Variants in GRM5 observed in about 807,000 individuals in gnomAD.
The protein encoded by GRM5 is metabotropic glutamate receptor 5.
GRM5 carries 19 observed loss-of-function variants against 83.1 expected under a neutral mutation model. That is an observed-to-expected ratio of 0.23 (90% confidence interval 0.16 to 0.34). The LOEUF (loss-of-function observed/expected upper bound fraction) is 0.34, where lower values mean the gene tolerates loss of function less well. Ranked by LOEUF, GRM5 falls within the 10% of genes least tolerant of loss-of-function variation. The pLI, the probability that GRM5 is intolerant of heterozygous loss-of-function variation, is 1.00. For missense variants in GRM5, 1,160 were observed against 1,588.3 expected, an observed-to-expected ratio of 0.73 and a Z score of 4.58; for synonymous variants, 675 against 633.6, an observed-to-expected ratio of 1.07 and a Z score of -0.98.
At chr11:89,004,721 A>G (rs1940477389) in intron 2 of GRM5, among the ~76,000 whole-genome samples, 2 of 152,224 alleles carry the variant, frequency 1.3e-5, no homozygotes, top group Admixed American at 1.3e-4. Flanking sequence ...TTATCTTACT[A>G]AAAATTATTT....
chr11:88,605,190 CA>C (rs1203665538), intron 4 of GRM5, among the ~76,000 whole-genome samples: 1 of 151,920 alleles, frequency 6.6e-6, no homozygotes, highest in African/African-American at 2.4e-5. Context: ...TCTGAATCAC[CA>C]ACAGTAGCAA....
intron 3 of GRM5, among the ~76,000 whole-genome samples, chr11:88,810,509 A>G (rs1371894182): frequency 2.6e-5 from 4 of 152,050 alleles, no homozygotes; most frequent in African/African-American, 4.8e-5. Flanking sequence ...GCCCAGCAAG[A>G]CAGGGATTAA....
chr11:88,622,889 C>G (rs1050903768), intron 4 of GRM5, among the ~76,000 whole-genome samples: 2 of 151,940 alleles, frequency 1.3e-5, no homozygotes, highest in African/African-American at 2.4e-5. Context: ...TGTGTAATCC[C>G]GGGCAAGTTA....
chr11:88,675,102 G>A (rs1342974975), intron 3 of GRM5, among the ~76,000 whole-genome samples: 1 of 151,712 alleles, frequency 6.6e-6, no homozygotes, highest in Non-Finnish European at 1.5e-5. Context: ...CTATATTCTG[G>A]CTGTTTTTCT....
intron 3 of GRM5, among the ~76,000 whole-genome samples, chr11:88,822,238 G>A (rs909776168): frequency 6.6e-5 from 10 of 152,070 alleles, no homozygotes; most frequent in African/African-American, 1.4e-4. Flanking sequence ...ACAGGATGAC[G>A]CATACTTTGA....
chr11:88,784,745 G>A (rs1276102404), intron 3 of GRM5, among the ~76,000 whole-genome samples: 1 of 151,970 alleles, frequency 6.6e-6, no homozygotes, highest in Non-Finnish European at 1.5e-5. Flanking sequence ...CATAAATGCA[G>A]GATTTCATTT....
At chr11:88,812,900 A>T (rs1020080801) in intron 3 of GRM5, among the ~76,000 whole-genome samples, 2 of 152,044 alleles carry the variant, frequency 1.3e-5, no homozygotes, top group Non-Finnish European at 2.9e-5. Context: ...AAAATTACTT[A>T]AAAAAAGGCC....
chr11:88,732,263 C>T (rs1319911737), intron 3 of GRM5, among the ~76,000 whole-genome samples: 1 of 152,076 alleles, frequency 6.6e-6, no homozygotes, highest in Non-Finnish European at 1.5e-5. Flanking sequence ...AATCCAGTGG[C>T]TAGCCCATGG....
At chr11:88,710,536 C>T (rs1271276952) in intron 3 of GRM5, among the ~76,000 whole-genome samples, 2 of 152,094 alleles carry the variant, frequency 1.3e-5, no homozygotes, top group Non-Finnish European at 2.9e-5. Context: ...TCCACTCCCA[C>T]AGAATATGTG....
At chr11:88,957,825 G>T (rs659719) in intron 2 of GRM5, among the ~76,000 whole-genome samples, 133,423 of 152,022 alleles carry the variant, frequency 0.88, 61,126 homozygotes, top group Non-Finnish European at 1. Flanking sequence ...ATTTTAAAAT[G>T]TAAATAGAGT....
intron 3 of GRM5, among the ~76,000 whole-genome samples, chr11:88,837,993 G>A (rs1944122963): frequency 7.0e-6 from 1 of 142,088 alleles, no homozygotes; most frequent in Non-Finnish European, 1.5e-5. Context: ...GCTGAGGCAG[G>A]AGAATGTCGT....
intron 9 of GRM5, among the ~76,000 whole-genome samples, chr11:88,520,968 A>G (rs1029279958): frequency 2.0e-5 from 3 of 152,124 alleles, no homozygotes; most frequent in Non-Finnish European, 2.9e-5. Context: ...TTTTTGTTCA[A>G]AAATAACCCC....
chr11:88,626,120 T>A (rs10831178), intron 4 of GRM5, among the ~76,000 whole-genome samples: 1 of 151,532 alleles, frequency 6.6e-6, no homozygotes, highest in Admixed American at 6.6e-5. Context: ...GCCTTTACAA[T>A]TTACACCAAA....
In GRM5 at chr11:88,759,642, C is replaced by T. The variant is rs1018483461; in HGVS notation, c.911+90264G>A. 2.0e-5 allele frequency among the ~76,000 whole-genome samples: 3 copies of T among 152,218 alleles called. No homozygotes were observed. In the East Asian group the frequency reaches 5.8e-4, roughly 29 times the overall value. On this transcript the variant is annotated intron_variant, in intron 3 of 9. Coordinates refer to ENST00000305447, the MANE Select transcript of GRM5 (RefSeq NM_001143831.3). ...CAATAATAGTGGGAGATTTCAGCAC[C>T]TCACTGACAGTATTAGACAGCTCAC...
intron 4 of GRM5, among the ~76,000 whole-genome samples, chr11:88,623,898 A>G (rs776217214): frequency 1.3e-5 from 2 of 152,186 alleles, no homozygotes; most frequent in Non-Finnish European, 2.9e-5. Flanking sequence ...AATACTATTT[A>G]CTTCATTTAT....
intron 9 of GRM5, among the ~76,000 whole-genome samples, chr11:88,517,049 A>G (rs1161611994): frequency 1.3e-5 from 2 of 151,832 alleles, no homozygotes; most frequent in Non-Finnish European, 2.9e-5. Context: ...TGTGTACCCA[A>G]TTAATTGGTT....
At chr11:88,947,161 T>A (rs1938307685) in intron 2 of GRM5, among the ~76,000 whole-genome samples, 2 of 152,158 alleles carry the variant, frequency 1.3e-5, no homozygotes, top group African/African-American at 4.8e-5. Flanking sequence ...AAAAAAAGAT[T>A]CCCTTTTACT....
intron 2 of GRM5, among the ~76,000 whole-genome samples, chr11:88,914,864 T>A (rs915577290): frequency 3.2e-4 from 49 of 152,122 alleles, no homozygotes; most frequent in Non-Finnish European, 2.2e-4. Context: ...ATGAAAGAAA[T>A]TAAAAGTCAA....
chr11:88,976,837 C>T (rs1939354613), intron 2 of GRM5, among the ~76,000 whole-genome samples: 1 of 147,816 alleles, frequency 6.8e-6, no homozygotes, highest in East Asian at 2.0e-4. Context: ...ACTTAACTTC[C>T]TCCAACTCTT....
Sources: gnomAD v4.1 joint callset for allele counts (sites outside exome capture counted in the v4.1 genomes callset) on GRCh38, gnomAD v4.1.1 for gene constraint, MANE v1.5 for transcripts, NCBI Gene and HGNC (gene_info 2026-07-23, HGNC 2026-07-21) for gene names.